HS3ST5: variants seen among roughly 807,000 people sequenced by gnomAD.
HS3ST5 encodes the protein heparan sulfate glucosamine 3-O-sulfotransferase 5.
Under a neutral mutation model 25.4 loss-of-function variants are expected in HS3ST5, and 10 were observed. The ratio of observed to expected loss-of-function variants is 0.39; its 90% CI spans 0.24 to 0.67. The LOEUF (loss-of-function observed/expected upper bound fraction) is 0.67. Among genes scored for constraint, HS3ST5 ranks in the 30% least tolerant of loss-of-function variants. HS3ST5 has a pLI of 0.44. For synonymous variants in HS3ST5, 170 were observed against 162.4 expected (o/e 1.05, Z -0.36); for missense variants, 324 against 420.7 (o/e 0.77, Z 2.01).
intron 1 of HS3ST5, chr6:114,230,407 T>C (rs973133563): frequency 9.2e-5 from 14 of 152,252 alleles, no homozygotes; most frequent in African/African-American, 3.4e-4. Flanking sequence ...TCTTGTGGAT[T>C]CTTTTTTACT....
chr6:114,318,925 T>G (rs2114871578), intron 1 of HS3ST5, among the ~76,000 whole-genome samples: 1 of 152,276 alleles, frequency 6.6e-6, no homozygotes, highest in African/African-American at 2.4e-5. Context: ...TTTTATTAGC[T>G]CCTATCAGCC....
intron 3 of HS3ST5, among the ~76,000 whole-genome samples, chr6:114,090,659 G>T (rs1442083610): frequency 6.6e-6 from 1 of 152,022 alleles, no homozygotes. Context: ...TCCTTTTTGG[G>T]TACTATGGAT....
intron 1 of HS3ST5, among the ~76,000 whole-genome samples, chr6:114,328,752 C>A (rs888946726): frequency 6.6e-6 from 1 of 152,162 alleles, no homozygotes; most frequent in Non-Finnish European, 1.5e-5. Context: ...GTAATTACTA[C>A]TTGTCAGTGT....
chr6:114,116,914 A>G (rs1776557893), intron 3 of HS3ST5, among the ~76,000 whole-genome samples: 1 of 152,076 alleles, frequency 6.6e-6, no homozygotes, highest in South Asian at 2.1e-4. Context: ...CATCCATTAG[A>G]CTAACGCTTC....
chr6:114,230,469 T>G (rs532679098), intron 1 of HS3ST5: 1 of 152,292 alleles, frequency 6.6e-6, no homozygotes, highest in African/African-American at 2.4e-5. Flanking sequence ...TCATAAATAT[T>G]TCTTCCTTAA....
chr6:114,080,284 G>A (rs1471610956), intron 3 of HS3ST5, among the ~76,000 whole-genome samples: 1 of 152,100 alleles, frequency 6.6e-6, no homozygotes, highest in African/African-American at 2.4e-5. Flanking sequence ...TAAACAGTAG[G>A]TCTCAACAGT....
At chr6:114,199,662 C>T (rs1257946431) in intron 2 of HS3ST5, among the ~76,000 whole-genome samples, 2 of 152,090 alleles carry the variant, frequency 1.3e-5, no homozygotes, top group Non-Finnish European at 2.9e-5. Flanking sequence ...TAAAGAACAT[C>T]TACTTTAGAA....
intron 1 of HS3ST5, among the ~76,000 whole-genome samples, chr6:114,311,076 A>G (rs1401955439): frequency 6.6e-6 from 1 of 152,208 alleles, no homozygotes; most frequent in African/African-American, 2.4e-5. Context: ...ATCAGATAAG[A>G]ATGCAAAATT....
intron 1 of HS3ST5, among the ~76,000 whole-genome samples, chr6:114,335,308 A>C (rs77274221): frequency 0.042 from 4,804 of 115,390 alleles, 78 homozygotes; most frequent in African/African-American, 0.098. Context: ...AATGAGTGGC[A>C]AAAAAAAAAA....
At chr6:114,138,229 A>G (rs1777729473) in intron 3 of HS3ST5, among the ~76,000 whole-genome samples, 1 of 152,210 alleles carries the variant, frequency 6.6e-6, no homozygotes, top group South Asian at 2.1e-4. Flanking sequence ...GTGCTGGGAA[A>G]AGGACAGTCA....
intron 1 of HS3ST5, among the ~76,000 whole-genome samples, chr6:114,281,048 AT>A (rs1284083995): frequency 2.0e-5 from 3 of 152,046 alleles, no homozygotes; most frequent in Admixed American, 1.3e-4. Context: ...GATTTTGAGC[AT>A]GAAAGTAAGA....
At chr6:114,281,200 C>A (rs1774093025) in intron 1 of HS3ST5, among the ~76,000 whole-genome samples, 1 of 151,976 alleles carries the variant, frequency 6.6e-6, no homozygotes, top group African/African-American at 2.4e-5. Flanking sequence ...CTTCATGTTA[C>A]CGCATCCTTA....
At chr6:114,074,553 C>T (rs1214733315) in intron 3 of HS3ST5, among the ~76,000 whole-genome samples, 1 of 152,066 alleles carries the variant, frequency 6.6e-6, no homozygotes, top group Non-Finnish European at 1.5e-5. Flanking sequence ...TTTTAGCCTC[C>T]CTCTCTATTC....
chr6:114,281,418 A>G (rs1319742555), intron 1 of HS3ST5, among the ~76,000 whole-genome samples: 1 of 152,036 alleles, frequency 6.6e-6, no homozygotes, highest in East Asian at 1.9e-4. Context: ...TTAAAAGGTT[A>G]CAAATGCTTT....
At chr6:114,316,051 T>C (rs116962469) in intron 1 of HS3ST5, among the ~76,000 whole-genome samples, 1 of 152,174 alleles carries the variant, frequency 6.6e-6, no homozygotes, top group African/African-American at 2.4e-5. Flanking sequence ...ACATACCATC[T>C]TTTCATTCAT....
intron 1 of HS3ST5, among the ~76,000 whole-genome samples, chr6:114,234,271 C>T (rs1771751398): frequency 6.6e-6 from 1 of 150,844 alleles, no homozygotes; most frequent in Non-Finnish European, 1.5e-5. Flanking sequence ...TTCTAGTTTT[C>T]ACAGGGTATT....
intron 3 of HS3ST5, among the ~76,000 whole-genome samples, chr6:114,127,061 C>A (rs1777076150): frequency 6.6e-6 from 1 of 152,012 alleles, no homozygotes; most frequent in East Asian, 1.9e-4. Context: ...CATAAAATGA[C>A]ATCTTTTAGT....
chr6:114,315,994 C>A (rs1412373799), intron 1 of HS3ST5, among the ~76,000 whole-genome samples: 2 of 152,174 alleles, frequency 1.3e-5, no homozygotes, highest in Non-Finnish European at 2.9e-5. Context: ...GCCAGCAGAG[C>A]ATTTCATTTC....
At chr6:114,111,811 C>T (rs1776280883) in intron 3 of HS3ST5, among the ~76,000 whole-genome samples, 1 of 152,108 alleles carries the variant, frequency 6.6e-6, no homozygotes, top group South Asian at 2.1e-4. Flanking sequence ...ACTCATAAAA[C>T]CTTGCCATCT....
Sources: gnomAD v4.1 joint callset for allele counts (sites outside exome capture counted in the v4.1 genomes callset) on GRCh38, gnomAD v4.1.1 for gene constraint, MANE v1.5 for transcripts, NCBI Gene and HGNC (gene_info 2026-07-23, HGNC 2026-07-21) for gene names.